Variants in NRG3 observed in about 807,000 individuals in gnomAD.
NRG3 encodes neuregulin 3, also known as pro-neuregulin-3, membrane-bound isoform.
Under a neutral mutation model 66.9 loss-of-function variants are expected in NRG3, and 31 were observed. The ratio of observed to expected loss-of-function variants is 0.46; its 90% CI spans 0.35 to 0.63. The LOEUF (loss-of-function observed/expected upper bound fraction) is 0.63. NRG3 is among the 20% of genes least tolerant of loss of function. The pLI is 0.00. For missense variants in NRG3, 910 were observed against 878.9 expected (o/e 1.04, Z -0.45); for synonymous variants, 393 against 359.4 (o/e 1.09, Z -1.06).
chr10:82,984,199 C>A (rs554492380), intron 8 of NRG3, among the ~76,000 whole-genome samples: 5 of 152,170 alleles, frequency 3.3e-5, no homozygotes, highest in Non-Finnish European at 5.9e-5. Flanking sequence ...AAATCTGCTG[C>A]GTACCTGTCC....
chr10:82,653,661 A>T (rs1250919282), intron 2 of NRG3, among the ~76,000 whole-genome samples: 1 of 151,930 alleles, frequency 6.6e-6, no homozygotes, highest in Non-Finnish European at 1.5e-5. Flanking sequence ...AAAAAAAAAA[A>T]CAAAGGTGGT....
At chr10:82,864,983 T>G (rs1040271795) in intron 3 of NRG3, among the ~76,000 whole-genome samples, 6 of 152,204 alleles carry the variant, frequency 3.9e-5, no homozygotes, top group African/African-American at 1.4e-4. Flanking sequence ...AGAAATTCCT[T>G]GCTTATTCAC....
At chr10:82,101,943 A>G (rs568355933) in intron 1 of NRG3, among the ~76,000 whole-genome samples, 71 of 149,618 alleles carry the variant, frequency 4.7e-4, no homozygotes, top group African/African-American at 1.6e-3. Context: ...GGACTTTTCC[A>G]TATCTCCTTC....
Position 81,957,434 on chromosome 10 carries a change from A to G in NRG3, c.823+81271A>G, listed in dbSNP as rs887497032. Among the ~76,000 whole-genome samples the G allele has an allele frequency of 2.6e-5, 4 of 152,134 alleles. No homozygotes were observed. In the South Asian group the frequency reaches 8.3e-4, roughly 32 times the overall value. On this transcript the variant is annotated intron_variant, in intron 1 of 8. Transcript: ENST00000372141. ...ACTCTGCCCCCCATTTAAAATATTTAAAATAGTCAGTGCTCCCACCCCCAC... is the reference window on the plus strand; with the variant it reads ...ACTCTGCCCCCCATTTAAAATATTTGAAATAGTCAGTGCTCCCACCCCCAC...
At chr10:82,705,784 T>C (rs1281663725) in intron 2 of NRG3, among the ~76,000 whole-genome samples, 1 of 152,202 alleles carries the variant, frequency 6.6e-6, no homozygotes, top group Non-Finnish European at 1.5e-5. Flanking sequence ...TTAAAGTGTT[T>C]TTTATTTTGG....
intron 1 of NRG3, among the ~76,000 whole-genome samples, chr10:82,271,971 A>G (rs1056383749): frequency 2.6e-5 from 4 of 152,112 alleles, no homozygotes; most frequent in Non-Finnish European, 5.9e-5. Flanking sequence ...GATATCAGAG[A>G]CATAACTGTG....
intron 6 of NRG3, among the ~76,000 whole-genome samples, chr10:82,965,562 C>T (rs1458064766): frequency 6.6e-6 from 1 of 152,078 alleles, no homozygotes; most frequent in Non-Finnish European, 1.5e-5. Context: ...ATGGTGAAAC[C>T]TTGACCCTAC....
At chr10:82,461,600 TTTGC>T (rs1419186885) in intron 2 of NRG3, among the ~76,000 whole-genome samples, 2 of 152,224 alleles carry the variant, frequency 1.3e-5, no homozygotes, top group African/African-American at 4.8e-5. Context: ...TTTTTGACTG[TTTGC>T]TTATTTCACA....
chr10:82,823,910 A>G (rs973186323), intron 3 of NRG3, among the ~76,000 whole-genome samples: 3 of 152,164 alleles, frequency 2.0e-5, no homozygotes, highest in African/African-American at 4.8e-5. Flanking sequence ...CATATACATA[A>G]AAAGTTCTTC....
chr10:82,919,634 A>G (rs985251102), intron 4 of NRG3, among the ~76,000 whole-genome samples: 3 of 152,180 alleles, frequency 2.0e-5, no homozygotes, highest in Non-Finnish European at 4.4e-5. Flanking sequence ...GCCATTATGA[A>G]ATCCTTATTA....
chr10:82,606,306 T>A (rs986185303), intron 2 of NRG3, among the ~76,000 whole-genome samples: 9 of 152,198 alleles, frequency 5.9e-5, no homozygotes, highest in Non-Finnish European at 8.8e-5. Flanking sequence ...GTGTGGTATA[T>A]AATCTTCAAG....
intron 2 of NRG3, among the ~76,000 whole-genome samples, chr10:82,644,330 C>T (rs2050789930): frequency 6.6e-6 from 1 of 152,102 alleles, no homozygotes; most frequent in African/African-American, 2.4e-5. Flanking sequence ...AAAGTGTTTG[C>T]TTCCTAAATG....
intron 6 of NRG3, among the ~76,000 whole-genome samples, chr10:82,968,810 G>T (rs751524645): frequency 8.5e-5 from 13 of 152,168 alleles, no homozygotes; most frequent in Admixed American, 1.3e-4. Context: ...CGCTGATAAA[G>T]ACCTACCCAA....
At chr10:81,986,624 T>G (rs543888906) in intron 1 of NRG3, among the ~76,000 whole-genome samples, 4 of 152,344 alleles carry the variant, frequency 2.6e-5, no homozygotes, top group Non-Finnish European at 5.9e-5. Flanking sequence ...TTACCATGTC[T>G]TTTAATTATT....
At chr10:82,010,161 C>A (rs1215859043) in intron 1 of NRG3, among the ~76,000 whole-genome samples, 1 of 152,158 alleles carries the variant, frequency 6.6e-6, no homozygotes, top group Non-Finnish European at 1.5e-5. Flanking sequence ...GTTTAACCAT[C>A]AAGTGACATT....
chr10:82,501,692 G>T (rs1037014213), intron 2 of NRG3, among the ~76,000 whole-genome samples: 1 of 152,104 alleles, frequency 6.6e-6, no homozygotes, highest in Non-Finnish European at 1.5e-5. Context: ...TCCTCTCTCA[G>T]ATCTGTGCTT....
At chr10:82,755,766 T>A (rs891642247) in intron 3 of NRG3, among the ~76,000 whole-genome samples, 2 of 152,152 alleles carry the variant, frequency 1.3e-5, no homozygotes, top group Non-Finnish European at 2.9e-5. Context: ...CTCTGACACA[T>A]ATTTTACTTT....
intron 2 of NRG3, among the ~76,000 whole-genome samples, chr10:82,466,921 A>G (rs1033805389): frequency 3.2e-4 from 48 of 152,088 alleles, no homozygotes; most frequent in Non-Finnish European, 5.4e-4. Flanking sequence ...ACCAAAAAAA[A>G]AAAAAAACAA....
intron 2 of NRG3, among the ~76,000 whole-genome samples, chr10:82,556,910 C>T (rs1051779566): frequency 2.6e-5 from 4 of 152,112 alleles, no homozygotes; most frequent in Non-Finnish European, 2.9e-5. Context: ...TCTGTTCCTG[C>T]ATTAGTTTAC....
Sources: allele counts gnomAD v4.1 joint callset (sites outside exome capture counted in the v4.1 genomes callset), GRCh38; gene constraint gnomAD v4.1.1; transcripts MANE v1.5; gene names NCBI Gene and HGNC (gene_info 2026-07-23, HGNC 2026-07-21).